Variants in FHIT observed in about 807,000 individuals in gnomAD.
FHIT encodes bis(5'-adenosyl)-triphosphatase.
Under a neutral mutation model 17.9 loss-of-function variants are expected in FHIT, and 19 were observed. The observed-to-expected ratio is 1.06, with a 90% CI of 0.74 to 1.56. FHIT has a LOEUF of 1.56. Ranked by LOEUF, FHIT falls within the 40% of genes most tolerant of loss-of-function variation. FHIT has a pLI of 0.00. For missense variants in FHIT, 248 were observed against 189.2 expected, an observed-to-expected ratio of 1.31 and a Z score of -1.82; for synonymous variants, 81 against 69.7, an observed-to-expected ratio of 1.16 and a Z score of -0.81.
At chr3:59,996,027 G>A (rs1402518783) in intron 7 of FHIT, among the ~76,000 whole-genome samples, 1 of 152,062 alleles carries the variant, frequency 6.6e-6, no homozygotes, top group East Asian at 1.9e-4. Flanking sequence ...GATGACACTG[G>A]CTTTGTCCAG....
At chr3:60,223,773 CA>C (rs1704065817) in intron 5 of FHIT, among the ~76,000 whole-genome samples, 1 of 152,162 alleles carries the variant, frequency 6.6e-6, no homozygotes, top group South Asian at 2.1e-4. Context: ...CTTTGGATTT[CA>C]CCACCTACAA....
At chr3:61,067,956 T>C (rs558946208) in intron 2 of FHIT, among the ~76,000 whole-genome samples, 63 of 152,298 alleles carry the variant, frequency 4.1e-4, no homozygotes, top group African/African-American at 1.3e-3. Context: ...ATTCTATTAT[T>C]GTATAATGGT....
At chr3:60,829,272 T>C (rs1050936472) in intron 3 of FHIT, among the ~76,000 whole-genome samples, 2 of 152,170 alleles carry the variant, frequency 1.3e-5, no homozygotes, top group Admixed American at 1.3e-4. Context: ...TTGTAACCAA[T>C]AAATTACCCC....
chr3:60,057,041 G>A (rs1325457924), intron 5 of FHIT, among the ~76,000 whole-genome samples: 1 of 152,056 alleles, frequency 6.6e-6, no homozygotes, highest in Admixed American at 6.6e-5. Flanking sequence ...ACTCCAAGAG[G>A]AACACATCCA....
intron 3 of FHIT, among the ~76,000 whole-genome samples, chr3:60,890,902 AATG>A (rs1553760522): frequency 2.6e-5 from 4 of 152,308 alleles, no homozygotes. Context: ...GGGCCATTTA[AATG>A]ATGACATCCC....
chr3:60,526,006 G>C (rs1380123823), intron 5 of FHIT, among the ~76,000 whole-genome samples: 1 of 149,962 alleles, frequency 6.7e-6, no homozygotes, highest in Non-Finnish European at 1.5e-5. Context: ...AGGAGGCTGA[G>C]GTGAGAAGAT....
intron 8 of FHIT, 116 bp downstream of exon 8, chr3:59,922,230 G>T (rs1290290127): frequency 1.1e-6 from 1 of 947,006 alleles, no homozygotes; most frequent in Non-Finnish European, 1.7e-6. Context: ...TCCAAGTCTG[G>T]CTAAATAGAA....
At chr3:60,796,588 G>C (rs1416885253) in intron 4 of FHIT, among the ~76,000 whole-genome samples, 1 of 152,086 alleles carries the variant, frequency 6.6e-6, no homozygotes, top group Non-Finnish European at 1.5e-5. Context: ...GTTGTTGTTT[G>C]TTTGTTTGTT....
At chr3:59,763,744 G>T (rs994915797) in intron 8 of FHIT, among the ~76,000 whole-genome samples, 4 of 52,520 alleles carry the variant, frequency 7.6e-5, no homozygotes, top group Non-Finnish European at 2.3e-4. Flanking sequence ...CTGAGGAGTG[G>T]CAAGTGCAAA....
intron 5 of FHIT, among the ~76,000 whole-genome samples, chr3:60,360,023 A>G (rs541190501): frequency 6.8e-6 from 1 of 147,556 alleles, no homozygotes; most frequent in African/African-American, 2.5e-5. Context: ...TTCTGTAAGG[A>G]AAGGACAGAT....
At position 60,531,560 on chromosome 3, in the gene FHIT, G is replaced by C. The variant is rs113000292; in HGVS notation, c.103+5300C>G. Among the ~76,000 whole-genome samples, 326 of 152,256 alleles carry C rather than the reference G, an allele frequency of 2.1e-3. 1 individual carries two copies. Among genetic ancestry groups the C allele is most frequent in the Middle Eastern group, 0.01 (3 of 294 alleles). On this transcript the variant is annotated intron_variant, in intron 5 of 9. Coordinates refer to ENST00000492590, the MANE Select transcript of FHIT (RefSeq NM_002012.4). ...CCCAAAGTGCTGGGATTACAGGCGT[G>C]AGCCACCGCGCCCGGCCGAAAAGAA...
At chr3:60,122,551 G>T (rs572331130) in intron 5 of FHIT, among the ~76,000 whole-genome samples, 1 of 152,212 alleles carries the variant, frequency 6.6e-6, no homozygotes, top group South Asian at 2.1e-4. Context: ...CAGAGGAGGG[G>T]TTTAAACCTC....
chr3:61,210,122 C>A (rs1157040832), intron 1 of FHIT, among the ~76,000 whole-genome samples: 1 of 152,218 alleles, frequency 6.6e-6, no homozygotes, highest in African/African-American at 2.4e-5. Flanking sequence ...GGCTGCAGAA[C>A]AGCGGATATT....
At chr3:60,012,944 C>T (rs529275105) in intron 6 of FHIT, among the ~76,000 whole-genome samples, 2 of 152,246 alleles carry the variant, frequency 1.3e-5, no homozygotes, top group Non-Finnish European at 2.9e-5. Context: ...TTTAGTCTCT[C>T]CAGAAACACG....
chr3:60,678,314 G>A (rs2107856701), intron 4 of FHIT, among the ~76,000 whole-genome samples: 1 of 152,124 alleles, frequency 6.6e-6, no homozygotes, highest in South Asian at 2.1e-4. Context: ...CTACTAATAT[G>A]CATATTTTGG....
At chr3:60,781,593 C>CT (rs1700391104) in intron 4 of FHIT, among the ~76,000 whole-genome samples, 1 of 152,276 alleles carries the variant, frequency 6.6e-6, no homozygotes, top group African/African-American at 2.4e-5. Flanking sequence ...GTCACTTGAC[C>CT]TCTCTAGGTC....
At chr3:59,896,570 A>G (rs1217774630) in intron 8 of FHIT, among the ~76,000 whole-genome samples, 1 of 152,182 alleles carries the variant, frequency 6.6e-6, no homozygotes, top group African/African-American at 2.4e-5. Context: ...TACTAAATTA[A>G]AGTTCATCCT....
At chr3:60,846,057 T>C (rs782080922) in intron 3 of FHIT, among the ~76,000 whole-genome samples, 15 of 152,204 alleles carry the variant, frequency 9.9e-5, no homozygotes, top group Non-Finnish European at 2.2e-4. Context: ...CTTTTCTATA[T>C]AGATAGATTG....
intron 8 of FHIT, among the ~76,000 whole-genome samples, chr3:59,898,268 T>C (rs1704163145): frequency 6.6e-6 from 1 of 152,168 alleles, no homozygotes; most frequent in African/African-American, 2.4e-5. Flanking sequence ...TAGACTTGGG[T>C]CCCATTCCCA....
Sources: gnomAD v4.1 joint callset for allele counts (sites outside exome capture counted in the v4.1 genomes callset) on GRCh38, gnomAD v4.1.1 for gene constraint, MANE v1.5 for transcripts, NCBI Gene and HGNC (gene_info 2026-07-23, HGNC 2026-07-21) for gene names.